The following GNPTG variants were observed in gnomAD, a reference collection of about 807,000 sequenced individuals.
GNPTG encodes N-acetylglucosamine-1-phosphate transferase subunit gamma, also known as N-acetylglucosamine-1-phosphotransferase subunit gamma.
Under a neutral mutation model 43.8 loss-of-function variants are expected in GNPTG, and 46 were observed. The observed-to-expected ratio is 1.05, with a 90% CI of 0.83 to 1.34. GNPTG has a LOEUF of 1.34. GNPTG is among the 40% of genes most tolerant of loss of function. GNPTG has a pLI of 0.00. For synonymous variants in GNPTG, 250 were observed against 172.8 expected (o/e 1.45, Z -3.50); for missense variants, 549 against 411.3 (o/e 1.33, Z -2.90).
intron 3 of GNPTG, among the ~76,000 whole-genome samples, chr16:1,355,138 C>G (rs564285914): frequency 6.6e-6 from 1 of 150,918 alleles, no homozygotes; most frequent in Admixed American, 6.6e-5. Flanking sequence ...TCTGCGGGGT[C>G]GGGTGTGGAT....
chr16:1,360,638 ATC>A (rs1413283012), intron 3 of GNPTG: 1 of 152,148 alleles, frequency 6.6e-6, no homozygotes, highest in Admixed American at 6.6e-5. Context: ...AAAAAAAAGA[ATC>A]TAATGCCTGA....
chr16:1,360,774 T>A (rs1404978939), intron 3 of GNPTG: 1 of 152,278 alleles, frequency 6.6e-6, no homozygotes. Context: ...GTTTAAGTCC[T>A]GTAGCTTTAC....
intron 3 of GNPTG, chr16:1,357,934 C>T (rs918037855): frequency 6.5e-5 from 10 of 152,696 alleles, no homozygotes; most frequent in Non-Finnish European, 8.8e-5. Flanking sequence ...GGATGGGGGC[C>T]AGTCCCCTCC....
chr16:1,363,586 G>A lies in GNPTG; in HGVS notation c.*495G>A, dbSNP rs915518880. ...GGCCGCCAGCCAGCTCCTACGCCCC[G>A]TGCCCGCCATGGCCACAGGGGGGAG... On this transcript the variant is annotated 3_prime_UTR_variant, in exon 11 of 11. Transcript: ENST00000204679. 6.1e-5 allele frequency: 13 copies of A among 214,044 alleles called. No individual in the cohort carries two copies. Among genetic ancestry groups the A allele is most frequent in the African/African-American group, 1.6e-4 (7 of 42,648 alleles). The allele number at this position is 214,044 out of a possible 1,614,324, so 13.3% of individuals were successfully genotyped here. A position where few individuals can be genotyped will look rare whatever the true frequency, so the allele number is the denominator to read the frequency against.
intron 3 of GNPTG, among the ~76,000 whole-genome samples, chr16:1,354,404 C>T (rs1320342236): frequency 5.9e-5 from 9 of 151,632 alleles, no homozygotes; most frequent in African/African-American, 1.9e-4. Context: ...GGTGAAACCC[C>T]GTCTCTACTA....
In GNPTG at chr16:1,363,474, C is replaced by G. The variant is rs991670410; in HGVS notation, c.*383C>G. The G allele has an allele frequency of 3.6e-5, 12 of 329,140 alleles. No homozygotes were observed. The highest frequency in any genetic ancestry group is 7.4e-5 in the South Asian group (3 of 40,782). 20.4% of individuals were successfully genotyped at this position (329,140 alleles called of 1,614,324 possible). A position where few individuals can be genotyped will look rare whatever the true frequency, so the allele number is the denominator to read the frequency against. ...CACGCGGAACAAGGTCTGCTGACCACAGTTACACACGTCGTGACACCACTG... is the reference window on the plus strand; with the variant it reads ...CACGCGGAACAAGGTCTGCTGACCAGAGTTACACACGTCGTGACACCACTG... On this transcript the variant is annotated 3_prime_UTR_variant, in exon 11 of 11. Transcript: ENST00000204679.
At chr16:1,361,996 G>A (rs901500768) in intron 5 of GNPTG, 41 bp downstream of exon 5, 1 of 1,613,080 alleles carries the variant, frequency 6.2e-7, no homozygotes, top group Non-Finnish European at 8.5e-7. Flanking sequence ...CAGCAGCGCA[G>A]CTCCCCACCC....
chr16:1,358,095 C>T (rs908511007), intron 3 of GNPTG: 6 of 152,250 alleles, frequency 3.9e-5, no homozygotes, highest in Non-Finnish European at 8.8e-5. Flanking sequence ...TGGCTTGACT[C>T]ACGAGTTGCC....
chr16:1,361,486 T>TA (rs1305783765), intron 3 of GNPTG: 2 of 439,280 alleles, frequency 4.6e-6, no homozygotes, highest in Non-Finnish European at 8.5e-6. Flanking sequence ...CTACTAAAAA[T>TA]ACAAAAAATT....
At chr16:1,354,502 C>T (rs954967907) in intron 3 of GNPTG, among the ~76,000 whole-genome samples, 9 of 134,726 alleles carry the variant, frequency 6.7e-5, no homozygotes, top group African/African-American at 2.5e-4. Context: ...TGGAGAATTG[C>T]TTGAATCCAG....
In GNPTG at chr16:1,362,294, T is replaced by C. The variant is rs751140111; in HGVS notation, c.500T>C (p.Leu167Pro). 2 of 1,613,212 alleles carry C rather than the reference T, an allele frequency of 1.2e-6. No homozygotes were observed. Among genetic ancestry groups the C allele is most frequent in the Non-Finnish European group, 1.7e-6 (2 of 1,179,952 alleles). Residue 167 changes from leucine (L) to proline (P), a missense_variant, in exon 7 of 11, where the codon CTC (leucine) becomes CCC (proline). Physicochemically the swap from Leu to Pro is moderately conservative, Grantham distance 98 (BLOSUM62 -3). Coordinates refer to ENST00000204679, the MANE Select transcript of GNPTG (RefSeq NM_032520.5). ...TACGCGCTGACGTTCGAGACCCCCCTCGTCTGCCACCCCCACGCCTTGCTA... is the reference window on the plus strand; with the variant it reads ...TACGCGCTGACGTTCGAGACCCCCCCCGTCTGCCACCCCCACGCCTTGCTA... Reference protein sequence around the residue: ...CVYALTFETPLVCHPHALLVY... With the variant: ...CVYALTFETPPVCHPHALLVY...
At chr16:1,354,063 G>A (rs991603898) in intron 3 of GNPTG, among the ~76,000 whole-genome samples, 3 of 152,194 alleles carry the variant, frequency 2.0e-5, no homozygotes, top group East Asian at 1.9e-4. Flanking sequence ...GTGGCTGGGC[G>A]TGATGGCGCA....
intron 3 of GNPTG, 28 bp downstream of exon 3, chr16:1,352,334 C>G: frequency 6.5e-7 from 1 of 1,547,384 alleles, no homozygotes; most frequent in East Asian, 2.4e-5. Context: ...TTGGCCGGCG[C>G]GGGGGTGGCC....
chr16:1,356,321 C>T (rs534039807), intron 3 of GNPTG, among the ~76,000 whole-genome samples: 2 of 152,006 alleles, frequency 1.3e-5, no homozygotes, highest in Admixed American at 6.6e-5. Flanking sequence ...AGGGGACGTG[C>T]GGGTGAAGCA....
intron 3 of GNPTG, chr16:1,357,927 T>G (rs1353900558): frequency 6.6e-6 from 1 of 152,438 alleles, no homozygotes; most frequent in Non-Finnish European, 1.5e-5. Context: ...GGGACGGGGA[T>G]GGGGGCCAGT....
rs971153294 is a variant in GNPTG, at chr16:1,352,390, T to TA, written c.178+85dup. On this transcript the variant is annotated intron_variant, in intron 3 of 10. Transcript: ENST00000204679. Reference sequence around the variant, plus strand: ...AGGATGGATGAGTGACCCTGAGAGTTACGGCCCGGAGTCTAAAGCATTGGT... The same window carrying TA: ...AGGATGGATGAGTGACCCTGAGAGTTAACGGCCCGGAGTCTAAAGCATTGGT... The TA allele has an allele frequency of 3.7e-6, 5 of 1,341,938 alleles. No individual in the cohort carries two copies. The Admixed American group carries it at 5.9e-5, about 16-fold the overall frequency. 83.1% of individuals were successfully genotyped at this position (1,341,938 alleles called of 1,614,324 possible).
At chr16:1,353,496 ATG>A (rs1287614832) in intron 3 of GNPTG, among the ~76,000 whole-genome samples, 3 of 152,100 alleles carry the variant, frequency 2.0e-5, no homozygotes, top group Non-Finnish European at 4.4e-5. Context: ...GAGTGTGTGT[ATG>A]TGTGTTAGAG....
At chr16:1,362,976 G>T (rs766606032) in intron 10 of GNPTG, 21 bp from the exon 11 acceptor site, 20 of 1,613,664 alleles carry the variant, frequency 1.2e-5, no homozygotes, top group Non-Finnish European at 1.7e-5. Flanking sequence ...GGTGAGGACT[G>T]GCCACCTGGT....
In GNPTG at chr16:1,363,244, A is replaced by T; in HGVS notation, c.*153A>T. 1.4e-6 allele frequency: 1 copy of T among 706,392 alleles called. No individual in the cohort carries two copies. The highest frequency in any genetic ancestry group is 1.5e-5 in the South Asian group (1 of 64,584). 43.8% of individuals were successfully genotyped at this position (706,392 alleles called of 1,614,324 possible). A position where few individuals can be genotyped will look rare whatever the true frequency, so the allele number is the denominator to read the frequency against. On this transcript the variant is annotated 3_prime_UTR_variant, in exon 11 of 11. Transcript: ENST00000204679. Reference sequence around the variant, plus strand: ...TTAATTAATTCCCATACTGATAAAAATAACTCCATGAATTCTGTAAACCAT... The same window carrying T: ...TTAATTAATTCCCATACTGATAAAATTAACTCCATGAATTCTGTAAACCAT...
Sources: gnomAD v4.1 joint callset for allele counts (sites outside exome capture counted in the v4.1 genomes callset) on GRCh38, gnomAD v4.1.1 for gene constraint, MANE v1.5 for transcripts, NCBI Gene and HGNC (gene_info 2026-07-23, HGNC 2026-07-21) for gene names.